DNM3: variants seen among roughly 807,000 people sequenced by gnomAD.
DNM3 encodes the protein dynamin 3.
A neutral mutation model predicts 101.6 loss-of-function variants in DNM3; 47 were observed. That is an observed-to-expected ratio of 0.46 (90% CI 0.37 to 0.59). The LOEUF is 0.59. Among genes scored for constraint, DNM3 ranks in the 20% least tolerant of loss-of-function variants. The probability of loss-of-function intolerance (pLI) is 0.00; values close to 1 mark genes in which losing one functional copy is unlikely to be tolerated. For synonymous variants in DNM3, 385 were observed against 387.9 expected (o/e 0.99, Z 0.09); for missense variants, 849 against 1,085.7 (o/e 0.78, Z 3.06).
chr1:171,902,180 TCTAAA>T (rs1322262371), intron 1 of DNM3, among the ~76,000 whole-genome samples: 1 of 152,250 alleles, frequency 6.6e-6, no homozygotes, highest in African/African-American at 2.4e-5. Context: ...CTCTTTTAAT[TCTAAA>T]CTATAGTTTG....
At position 172,387,139 on chromosome 1, in the gene DNM3, G is replaced by C. The variant is rs1387361779; in HGVS notation, c.2065G>C (p.Asp689His). Reference protein sequence around the residue: ...IMHLMINNVKDFINSELLAQL... With the variant: ...IMHLMINNVKHFINSELLAQL... ...CTCTGTGGTGATCTGACAGGTTAAA[G>C]ATTTCATAAATTCCGAGCTCCTAGC... is the stretch of plus-strand genomic sequence containing the variant. Residue 689 changes from aspartate (D) to histidine (H), a missense_variant, in exon 19 of 21, where the codon GAT becomes CAT. By Grantham distance (81) the Asp-to-His change is moderately conservative. This residue lies in a region of DNM3 where 256 missense variants were observed against 311.7 expected (regional missense o/e 0.82). Transcript: ENST00000627582. 1.2e-6 allele frequency: 2 copies of C among 1,613,228 alleles called. No individual in the cohort carries two copies. The highest frequency in any genetic ancestry group is 1.7e-6 in the Non-Finnish European group (2 of 1,179,394).
Position 172,331,324 on chromosome 1 carries a change from T to C in DNM3, c.1893+7984T>C, listed in dbSNP as rs528340561. On this transcript the variant is annotated intron_variant, in intron 17 of 20. Transcript: ENST00000627582. ...TTTTTCTGCTGTTTTAAAAATCTCA[T>C]TGAGGTTTAAAGATAACATATAATA... is the stretch of plus-strand genomic sequence containing the variant. Among the ~76,000 whole-genome samples the C allele has an allele frequency of 3.3e-5, 5 of 152,272 alleles. No homozygotes were observed. In the East Asian group the frequency reaches 5.8e-4, roughly 18 times the overall value.
At chr1:171,955,901 AG>A (rs2042823317) in intron 2 of DNM3, among the ~76,000 whole-genome samples, 1 of 152,146 alleles carries the variant, frequency 6.6e-6, no homozygotes, top group South Asian at 2.1e-4. Context: ...ACAAGAGGAG[AG>A]AGGTTGTGCA....
At chr1:172,206,997 ATT>A (rs2060345600) in intron 14 of DNM3, among the ~76,000 whole-genome samples, 3 of 151,986 alleles carry the variant, frequency 2.0e-5, no homozygotes, top group Admixed American at 2.0e-4. Flanking sequence ...ACTGAGCTTT[ATT>A]TCTCTACCAC....
intron 13 of DNM3, among the ~76,000 whole-genome samples, chr1:172,098,636 T>C (rs2054418085): frequency 6.6e-6 from 1 of 152,168 alleles, no homozygotes; most frequent in South Asian, 2.1e-4. Flanking sequence ...GTGATAAGTG[T>C]CCATGAAATC....
intron 17 of DNM3, among the ~76,000 whole-genome samples, chr1:172,323,754 C>A (rs2065827344): frequency 6.6e-6 from 1 of 152,148 alleles, no homozygotes; most frequent in African/African-American, 2.4e-5. Context: ...AAACCCCAAA[C>A]TGGAGTCTTA....
At chr1:172,341,715 T>A (rs1573533958) in intron 17 of DNM3, among the ~76,000 whole-genome samples, 1 of 152,240 alleles carries the variant, frequency 6.6e-6, no homozygotes, top group African/African-American at 2.4e-5. Flanking sequence ...TCTTTCACCA[T>A]AAACGAAAAT....
intron 13 of DNM3, among the ~76,000 whole-genome samples, chr1:172,114,923 A>G (rs1268557341): frequency 1.3e-5 from 2 of 152,206 alleles, no homozygotes; most frequent in Non-Finnish European, 2.9e-5. Flanking sequence ...GCCATGTACT[A>G]TCTAGTAACT....
chr1:172,180,417 A>G (rs952213444), intron 14 of DNM3, among the ~76,000 whole-genome samples: 3 of 152,126 alleles, frequency 2.0e-5, no homozygotes, highest in Non-Finnish European at 2.9e-5. Context: ...TGATTTTCTC[A>G]GTAGCCTTCA....
At chr1:171,961,845 C>G (rs1281701759) in intron 2 of DNM3, among the ~76,000 whole-genome samples, 1 of 152,112 alleles carries the variant, frequency 6.6e-6, no homozygotes, top group African/African-American at 2.4e-5. Flanking sequence ...ATAAGCCAGC[C>G]ACAAAAGGAC....
At chr1:171,943,809 A>G (rs376419475) in intron 2 of DNM3, among the ~76,000 whole-genome samples, 6 of 152,338 alleles carry the variant, frequency 3.9e-5, no homozygotes, top group African/African-American at 1.4e-4. Context: ...TTAGCTCAGA[A>G]TAAATATCTT....
chr1:171,909,773 A>G (rs996515150), intron 1 of DNM3, among the ~76,000 whole-genome samples: 1 of 152,250 alleles, frequency 6.6e-6, no homozygotes, highest in African/African-American at 2.4e-5. Context: ...ACTTGAAATT[A>G]TAATTGGAAC....
chr1:172,226,787 T>C (rs765422845), intron 14 of DNM3, among the ~76,000 whole-genome samples: 10 of 152,190 alleles, frequency 6.6e-5, no homozygotes, highest in Non-Finnish European at 1.0e-4. Flanking sequence ...GCGATAATGA[T>C]GCAAGTCATA....
At chr1:172,031,311 A>G (rs2048588426) in intron 4 of DNM3, among the ~76,000 whole-genome samples, 1 of 152,202 alleles carries the variant, frequency 6.6e-6, no homozygotes, top group African/African-American at 2.4e-5. Flanking sequence ...CAGAAAAGCA[A>G]ACACCACATG....
intron 17 of DNM3, among the ~76,000 whole-genome samples, chr1:172,337,267 A>G (rs572398295): frequency 2.6e-5 from 4 of 152,170 alleles, no homozygotes; most frequent in Non-Finnish European, 5.9e-5. Flanking sequence ...CTGGCATCTT[A>G]TTCCAGTCTT....
chr1:171,930,069 A>T (rs2040879104), intron 2 of DNM3, among the ~76,000 whole-genome samples: 1 of 152,046 alleles, frequency 6.6e-6, no homozygotes, highest in Admixed American at 6.5e-5. Flanking sequence ...CCTGGTAAAT[A>T]GGAACAGGAT....
At chr1:171,882,082 C>A (rs1304978553) in intron 1 of DNM3, among the ~76,000 whole-genome samples, 1 of 152,066 alleles carries the variant, frequency 6.6e-6, no homozygotes, top group Non-Finnish European at 1.5e-5. Context: ...CATGGTGGCT[C>A]ACACCTGTAA....
chr1:172,163,506 A>G (rs147975515), intron 14 of DNM3, among the ~76,000 whole-genome samples: 189 of 151,896 alleles, frequency 1.2e-3, no homozygotes, highest in African/African-American at 4.2e-3. Context: ...CCAAAGTGCT[A>G]GGATTACAGG....
chr1:172,137,593 A>C (rs1247887239), intron 14 of DNM3: 1 of 152,180 alleles, frequency 6.6e-6, no homozygotes, highest in Non-Finnish European at 1.5e-5. Flanking sequence ...AAAATAGCTG[A>C]ATGAAAAATA....
Sources: gnomAD v4.1 joint callset for allele counts (sites outside exome capture counted in the v4.1 genomes callset) on GRCh38, gnomAD v4.1.1 for gene constraint, gnomAD v4.1.1 regional missense constraint, MANE v1.5 for transcripts, NCBI Gene and HGNC (gene_info 2026-07-23, HGNC 2026-07-21) for gene names.